The following GALC variants were observed in gnomAD, a reference collection of about 807,000 sequenced individuals.
GALC encodes the protein galactocerebrosidase.
Under a neutral mutation model 91.8 loss-of-function variants are expected in GALC, and 77 were observed. That is an observed-to-expected ratio of 0.84 (90% CI 0.70 to 1.01). The LOEUF is 1.01. Among genes scored for constraint, GALC ranks in the 50% least tolerant of loss-of-function variants. The pLI, the probability that GALC is intolerant of heterozygous loss-of-function variation, is 0.00. For missense variants in GALC, 882 were observed against 855.9 expected (o/e 1.03, Z -0.38); for synonymous variants, 357 against 306.7 (o/e 1.16, Z -1.71).
chr14:87,946,673 T>C (rs1468270712), intron 13 of GALC, among the ~76,000 whole-genome samples: 1 of 151,974 alleles, frequency 6.6e-6, no homozygotes, highest in African/African-American at 2.4e-5. Context: ...CCTCACTTAC[T>C]GAAGGCAAAA....
intron 1 of GALC, among the ~76,000 whole-genome samples, chr14:87,989,347 T>C (rs1006448654): frequency 2.6e-5 from 4 of 152,176 alleles, no homozygotes; most frequent in Admixed American, 6.5e-5. Flanking sequence ...TTCTCATATA[T>C]GCTACCACTG....
rs111247702 is a variant in GALC at position 87,968,743 on chromosome 14, A to G, written c.753-253T>C. ...AACAGCATACAGGATAGGAAGGAAAATCATCAATAGATAAGAAATTTCAAT... is the reference window on the plus strand; with the variant it reads ...AACAGCATACAGGATAGGAAGGAAAGTCATCAATAGATAAGAAATTTCAAT... On this transcript the variant is annotated intron_variant, in intron 7 of 16. Transcript: ENST00000261304. 2.9e-3 allele frequency among the ~76,000 whole-genome samples: 447 copies of G among 152,314 alleles called. 1 individual carries two copies. Among genetic ancestry groups the G allele is most frequent in the African/African-American group, 0.01 (425 of 41,570 alleles).
chr14:87,969,251 A>G (rs368706361), intron 7 of GALC, among the ~76,000 whole-genome samples: 14 of 152,296 alleles, frequency 9.2e-5, no homozygotes, highest in African/African-American at 3.1e-4. Flanking sequence ...AAGAGAGGCC[A>G]AAAATGCTGC....
At chr14:87,951,099 G>A (rs17759941) in intron 10 of GALC, among the ~76,000 whole-genome samples, 17,134 of 151,584 alleles carry the variant, frequency 0.11, 1,148 homozygotes, top group Non-Finnish European at 0.16. Context: ...TCACTGAAAA[G>A]ACATCTCATC....
chr14:87,970,703 AC>A lies in GALC; in HGVS notation c.753-2214del, dbSNP rs1444876302. Among the ~76,000 whole-genome samples the A allele has an allele frequency of 2.7e-5, 4 of 148,732 alleles. 1 individual carries two copies. The highest frequency in any genetic ancestry group is 1.0e-4 in the African/African-American group (4 of 39,950). ...GTGAAACCCTGTCTCTACTAAAAAT[AC>A]AAAAAAAAAAAAAAATTAGCCAGGC... On this transcript the variant is annotated intron_variant, in intron 7 of 16. Transcript: ENST00000261304.
At chr14:87,952,674 G>C (rs1885361628) in intron 10 of GALC, 2 of 1,515,508 alleles carry the variant, frequency 1.3e-6, no homozygotes, top group African/African-American at 2.7e-5. Flanking sequence ...TGAAAACTAT[G>C]AAGTCCCAGA....
chr14:87,936,712 AACCTC>A (rs1884583303), intron 16 of GALC, among the ~76,000 whole-genome samples: 1 of 151,556 alleles, frequency 6.6e-6, no homozygotes, highest in Non-Finnish European at 1.5e-5. Flanking sequence ...CCCTCAAAAC[AACCTC>A]ACAGAAGTTA....
chr14:87,992,610 C>T, intron 1 of GALC: 1 of 1,449,710 alleles, frequency 6.9e-7, no homozygotes, highest in South Asian at 1.4e-5. Context: ...GAGCGACGCT[C>T]CCCGACTGCC....
At position 87,958,595 on chromosome 14, in the gene GALC, C is replaced by G. The variant is rs570813997; in HGVS notation, c.1161+4789G>C. Among the ~76,000 whole-genome samples, 8 of 152,228 alleles carry G rather than the reference C, an allele frequency of 5.3e-5. No individual in the cohort carries two copies. The East Asian group carries it at 1.5e-3, about 29-fold the overall frequency. On this transcript the variant is annotated intron_variant, in intron 10 of 16. Coordinates refer to ENST00000261304, the MANE Select transcript of GALC (RefSeq NM_000153.4). ...TCACACTACCTGACTTCAACATATA[C>G]TAAAAGGCTATAGTAACGATTAATA...
chr14:87,938,184 C>T (rs1176104933), intron 16 of GALC, among the ~76,000 whole-genome samples: 3 of 151,912 alleles, frequency 2.0e-5, no homozygotes, highest in Non-Finnish European at 2.9e-5. Context: ...ACAGAGCCAG[C>T]AGTGAGGAAT....
chr14:87,980,634 G>C (rs17797969), intron 6 of GALC: 28,069 of 259,308 alleles, frequency 0.11, 1,767 homozygotes, highest in Admixed American at 0.13. Flanking sequence ...TCAACCCAGG[G>C]AGAGGTGTCA....
chr14:87,946,916 A>G (rs1439095363), intron 13 of GALC, among the ~76,000 whole-genome samples: 1 of 151,800 alleles, frequency 6.6e-6, no homozygotes, highest in Admixed American at 6.6e-5. Context: ...GGGAGGCGAG[A>G]CCCTGTAGCA....
rs2139961653 is a variant in GALC at position 87,949,913 on chromosome 14, G to A, written c.1270C>T (p.Gln424Ter). 1 of 1,570,186 alleles carries A rather than the reference G, an allele frequency of 6.4e-7. No individual in the cohort carries two copies. The stretch of plus-strand genomic sequence containing the variant: ...TTTCCAAGTTTGGTATACCATACCT[G>A]TAGCTCTGGTATTTCACTCTGTAAA... ...KGSFSEIPEL[Q>*]VWYTKLGKTS... The change falls in exon 12 of 17, where the codon CAG becomes TAG. Residue 424 changes from glutamine (Q) to a stop codon, truncating the protein, a stop_gained. Transcript: ENST00000261304. LOFTEE classifies it high-confidence loss of function.
chr14:87,986,526 T>C lies in GALC; in HGVS notation c.405A>G (p.Lys135=), dbSNP rs772196514. 1.2e-6 allele frequency: 2 copies of C among 1,613,080 alleles called. No individual in the cohort carries two copies. The highest frequency in any genetic ancestry group is 1.7e-6 in the Non-Finnish European group (2 of 1,179,060). The part of the protein sequence containing the change: ...YFRGYEWWLM[K]EAKKRNPNIT... ...TATTGGGATTCCTCTTCTTAGCTTC[T>C]TTCATCAACCACCACTCGTATCCTC... is the stretch of plus-strand genomic sequence containing the variant. Residue 135 remains lysine (K), a synonymous_variant, in exon 4 of 17, where the codon AAA becomes AAG. Coordinates refer to ENST00000261304, the MANE Select transcript of GALC (RefSeq NM_000153.4).
At chr14:87,952,940 T>C in intron 10 of GALC, 1 of 884,884 alleles carries the variant, frequency 1.1e-6, no homozygotes, top group Admixed American at 1.8e-5. Flanking sequence ...ATGAACAGCC[T>C]AAACATCAGT....
intron 7 of GALC, among the ~76,000 whole-genome samples, 172 bp from the exon 8 acceptor site, chr14:87,968,662 T>C (rs1189434042): frequency 6.6e-6 from 1 of 152,194 alleles, no homozygotes; most frequent in Non-Finnish European, 1.5e-5. Flanking sequence ...TTATGCCCTT[T>C]TGTCTCAGCA....
chr14:87,963,601 G>T, intron 9 of GALC, 90 bp from the exon 10 acceptor site: 2 of 1,104,114 alleles, frequency 1.8e-6, no homozygotes, highest in Non-Finnish European at 2.7e-6. Context: ...ATCAATTTGA[G>T]TCTGATTCAT....
At chr14:87,940,946 T>C (rs1037651000) in intron 15 of GALC, among the ~76,000 whole-genome samples, 1 of 151,962 alleles carries the variant, frequency 6.6e-6, no homozygotes, top group African/African-American at 2.4e-5. Context: ...TCAAGCTATT[T>C]TCAAGTATTA....
upstream of GALC, chr14:87,993,231 A>C (rs571945132): frequency 1.5e-3 from 2,377 of 1,546,472 alleles, 2 homozygotes; most frequent in Non-Finnish European, 1.9e-3. Context: ...AGATACGGGC[A>C]GGAGGCCGCT....
Sources: allele counts gnomAD v4.1 joint callset (sites outside exome capture counted in the v4.1 genomes callset), GRCh38; gene constraint gnomAD v4.1.1; transcripts MANE v1.5; gene names NCBI Gene and HGNC (gene_info 2026-07-23, HGNC 2026-07-21).